The following ATP13A5 variants were observed in gnomAD, a reference collection of about 807,000 sequenced individuals.
ATP13A5 encodes the protein ATPase 13A5, also known as probable cation-transporting ATPase 13A5.
In ATP13A5, 149 loss-of-function variants were observed where a neutral mutation model predicts 150.2. The observed-to-expected ratio is 0.99, with a 90% CI of 0.87 to 1.14. ATP13A5 has a LOEUF of 1.14. Among genes scored for constraint, ATP13A5 ranks in the 50% most tolerant of loss-of-function variants. The probability of loss-of-function intolerance (pLI) is 0.00; values close to 1 mark genes in which losing one functional copy is unlikely to be tolerated. For synonymous variants in ATP13A5, 497 were observed against 522.2 expected, an observed-to-expected ratio of 0.95 and a Z score of 0.66; for missense variants, 1,383 against 1,449.3, an observed-to-expected ratio of 0.95 and a Z score of 0.74.
intron 5 of ATP13A5, among the ~76,000 whole-genome samples, chr3:193,360,246 T>A (rs1174636477): frequency 6.6e-6 from 1 of 152,242 alleles, no homozygotes; most frequent in Admixed American, 6.5e-5. Context: ...TTTCTCCTGA[T>A]GTTTGGATAT....
At chr3:193,303,367 T>G (rs932503605) in intron 23 of ATP13A5, among the ~76,000 whole-genome samples, 2 of 152,182 alleles carry the variant, frequency 1.3e-5, no homozygotes, top group Non-Finnish European at 2.9e-5. Context: ...CCAGAACATT[T>G]GCTGTCTTGT....
At chr3:193,315,594 C>T (rs1320153) in intron 17 of ATP13A5, among the ~76,000 whole-genome samples, 78,234 of 151,942 alleles carry the variant, frequency 0.51, 22,430 homozygotes, top group East Asian at 0.65. Flanking sequence ...GAACAGTTTT[C>T]GGAATTTGAA....
At chr3:193,346,539 T>C (rs911711325) in intron 7 of ATP13A5, among the ~76,000 whole-genome samples, 11 of 152,160 alleles carry the variant, frequency 7.2e-5, no homozygotes, top group African/African-American at 2.7e-4. Context: ...TGGAAGTGGG[T>C]TTGAATACTG....
At chr3:193,345,730 G>A (rs1249711939) in intron 7 of ATP13A5, among the ~76,000 whole-genome samples, 1 of 152,076 alleles carries the variant, frequency 6.6e-6, no homozygotes, top group Non-Finnish European at 1.5e-5. Flanking sequence ...TGGTCCACAA[G>A]GACTCAAATA....
At chr3:193,297,840 C>T (rs1718234696) in intron 25 of ATP13A5, among the ~76,000 whole-genome samples, 2 of 152,074 alleles carry the variant, frequency 1.3e-5, no homozygotes, top group South Asian at 2.1e-4. Flanking sequence ...ATAACTTGCT[C>T]AGTGTCATAT....
chr3:193,309,962 T>C (rs889648791), intron 21 of ATP13A5, among the ~76,000 whole-genome samples: 1 of 152,182 alleles, frequency 6.6e-6, no homozygotes, highest in African/African-American at 2.4e-5. Flanking sequence ...GATTATTTCA[T>C]CACCCAGGAA....
At position 193,327,065 on chromosome 3, in the gene ATP13A5, A is replaced by C; in HGVS notation, c.1462-8T>G. On this transcript the variant is annotated splice_region_variant and splice_polypyrimidine_tract_variant and intron_variant, in intron 12 of 29. Coordinates refer to ENST00000342358, the MANE Select transcript of ATP13A5 (RefSeq NM_198505.4). Reference sequence around the variant, plus strand: ...TTCAGTGAGAGTGCCAGTCTGAGTAAAAATTAAAAGCAATATTAGCATAAG... The same window carrying C: ...TTCAGTGAGAGTGCCAGTCTGAGTACAAATTAAAAGCAATATTAGCATAAG... The C allele has an allele frequency of 6.2e-7, 1 of 1,602,682 alleles. No homozygotes were observed. Among genetic ancestry groups the C allele is most frequent in the Non-Finnish European group, 8.5e-7 (1 of 1,177,182 alleles).
At position 193,301,302 on chromosome 3, in the gene ATP13A5, C is replaced by G. The variant is rs536144537; in HGVS notation, c.2684G>C (p.Gly895Ala). 8 of 1,608,862 alleles carry G rather than the reference C, an allele frequency of 5.0e-6. No individual in the cohort carries two copies. The South Asian group carries it at 7.8e-5, about 16-fold the overall frequency. The part of the protein sequence containing the change: ...IQCVPHLIRE[G>A]RAALVSSFGV... The stretch of plus-strand genomic sequence containing the variant: ...AAAGGATGAAACCAGAGCAGCTCGG[C>G]CTTCTCTGTTTAAAAAGAAATAAAA... Residue 895 changes from glycine (G) to alanine (A), a missense_variant, in exon 24 of 30, where the codon GGC becomes GCC. Coordinates refer to ENST00000342358, the MANE Select transcript of ATP13A5 (RefSeq NM_198505.4).
chr3:193,311,699 G>A (rs1718854652), intron 20 of ATP13A5, 117 bp downstream of exon 20: 1 of 1,399,186 alleles, frequency 7.1e-7, no homozygotes, highest in South Asian at 1.4e-5. Context: ...TCCTTTGGGG[G>A]TGTTTATTCT....
In ATP13A5 at chr3:193,295,389, C is replaced by G. The variant is rs141178582; in HGVS notation, c.2848+3742G>C. On this transcript the variant is annotated intron_variant, in intron 25 of 29. Coordinates refer to ENST00000342358, the MANE Select transcript of ATP13A5 (RefSeq NM_198505.4). Reference sequence around the variant, plus strand: ...ATGCCTCCATGCCTAGTATCTTTCTCCTTTCTCCACTGCTATCTCCTCCTT... The same window carrying G: ...ATGCCTCCATGCCTAGTATCTTTCTGCTTTCTCCACTGCTATCTCCTCCTT... Among the ~76,000 whole-genome samples, 723 of 152,100 alleles carry G rather than the reference C, an allele frequency of 4.8e-3. 6 individuals are homozygous for G. Among genetic ancestry groups the G allele is most frequent in the African/African-American group, 0.017 (697 of 41,514 alleles).
chr3:193,283,418 AG>A (rs1161297565), intron 27 of ATP13A5, among the ~76,000 whole-genome samples: 1 of 29,588 alleles, frequency 3.4e-5, no homozygotes, highest in Admixed American at 4.5e-4. Flanking sequence ...GCAATCCAAC[AG>A]AAAAAAAATA....
chr3:193,298,756 A>G (rs1236339332), intron 25 of ATP13A5, among the ~76,000 whole-genome samples: 1 of 152,158 alleles, frequency 6.6e-6, no homozygotes, highest in Non-Finnish European at 1.5e-5. Flanking sequence ...TCACACATCA[A>G]AGACCTAGAA....
chr3:193,350,789 A>T (rs1295746723), intron 7 of ATP13A5, among the ~76,000 whole-genome samples: 1 of 152,166 alleles, frequency 6.6e-6, no homozygotes, highest in African/African-American at 2.4e-5. Context: ...TCATTAATCC[A>T]TCACAGCATT....
intron 9 of ATP13A5, among the ~76,000 whole-genome samples, chr3:193,340,822 T>G (rs962742774): frequency 2.6e-5 from 4 of 152,200 alleles, no homozygotes; most frequent in Non-Finnish European, 5.9e-5. Flanking sequence ...ACTTTCATGT[T>G]TTCTGTCTCT....
chr3:193,355,561 T>C (rs1712751303), intron 5 of ATP13A5, among the ~76,000 whole-genome samples: 2 of 152,182 alleles, frequency 1.3e-5, no homozygotes, highest in Non-Finnish European at 2.9e-5. Flanking sequence ...TAGCCATATT[T>C]CTTTCCAAGT....
intron 5 of ATP13A5, 138 bp from the exon 6 acceptor site, chr3:193,354,334 T>C (rs1205156446): frequency 1.4e-6 from 1 of 717,586 alleles, no homozygotes; most frequent in East Asian, 2.7e-5. Flanking sequence ...GCAAGTTCTT[T>C]TGAAACGTAA....
intron 27 of ATP13A5, among the ~76,000 whole-genome samples, chr3:193,284,416 GC>G (rs1303917018): frequency 6.6e-6 from 1 of 151,990 alleles, no homozygotes; most frequent in Non-Finnish European, 1.5e-5. Flanking sequence ...GATTTTTTGA[GC>G]CCCTATTATA....
intron 25 of ATP13A5, among the ~76,000 whole-genome samples, chr3:193,297,199 G>A (rs1281567923): frequency 6.6e-6 from 1 of 152,018 alleles, no homozygotes. Context: ...AGAAACAGGG[G>A]TGGAGAGTAG....
chr3:193,377,614 CAT>C (rs1713687906), intron 1 of ATP13A5, among the ~76,000 whole-genome samples: 2 of 152,170 alleles, frequency 1.3e-5, no homozygotes, highest in South Asian at 2.1e-4. Flanking sequence ...TAGATGAAAT[CAT>C]ATGTTTTCCT....
Sources: allele counts gnomAD v4.1 joint callset (sites outside exome capture counted in the v4.1 genomes callset), GRCh38; gene constraint gnomAD v4.1.1; transcripts MANE v1.5; gene names NCBI Gene and HGNC (gene_info 2026-07-23, HGNC 2026-07-21).